The following ADGRV1 variants were observed in gnomAD, a reference collection of about 807,000 sequenced individuals.
ADGRV1 encodes the protein adhesion G protein-coupled receptor V1.
A neutral mutation model predicts 596.2 loss-of-function variants in ADGRV1; 359 were observed. That is an observed-to-expected ratio of 0.60 (90% CI 0.55 to 0.66). ADGRV1 has a LOEUF of 0.66. ADGRV1 is among the 30% of genes least tolerant of loss of function. ADGRV1 has a pLI of 0.00. For synonymous variants in ADGRV1, 2,681 were observed against 2,679.2 expected, an observed-to-expected ratio of 1.00 and a Z score of -0.02; for missense variants, 7,274 against 7,575.6, an observed-to-expected ratio of 0.96 and a Z score of 1.48.
At chr5:91,080,489 T>C (rs541883160) in intron 86 of ADGRV1, among the ~76,000 whole-genome samples, 54 of 151,598 alleles carry the variant, frequency 3.6e-4, no homozygotes, top group African/African-American at 1.3e-3. Flanking sequence ...TCAAAACTCT[T>C]CTTGGTAATA....
chr5:90,721,397 G>A (rs1177368308), intron 45 of ADGRV1, among the ~76,000 whole-genome samples: 2 of 151,710 alleles, frequency 1.3e-5, no homozygotes, highest in Non-Finnish European at 2.9e-5. Flanking sequence ...CCAGCTACTC[G>A]GGAGGCTAAG....
intron 84 of ADGRV1, among the ~76,000 whole-genome samples, chr5:90,970,256 C>G (rs1300576375): frequency 6.6e-6 from 1 of 152,164 alleles, no homozygotes; most frequent in Non-Finnish European, 1.5e-5. Context: ...CCCACTGCAG[C>G]TCAAGGAGGC....
At chr5:91,067,483 C>G (rs1787987816) in intron 85 of ADGRV1, among the ~76,000 whole-genome samples, 1 of 152,260 alleles carries the variant, frequency 6.6e-6, no homozygotes, top group South Asian at 2.1e-4. Flanking sequence ...TAGAGAGTTC[C>G]CTTCTCTTCC....
chr5:90,821,086 C>A (rs536805549), intron 75 of ADGRV1, among the ~76,000 whole-genome samples: 12 of 152,062 alleles, frequency 7.9e-5, no homozygotes, highest in Non-Finnish European at 1.8e-4. Context: ...TTCACATAGT[C>A]GCATATTTCT....
chr5:90,732,178 G>T (rs2149833094), intron 50 of ADGRV1, among the ~76,000 whole-genome samples: 1 of 151,968 alleles, frequency 6.6e-6, no homozygotes, highest in East Asian at 1.9e-4. Flanking sequence ...TTAAAAAAAA[G>T]TTTTTTTTAA....
chr5:91,108,309 C>T (rs1246849475), intron 87 of ADGRV1, among the ~76,000 whole-genome samples: 2 of 152,084 alleles, frequency 1.3e-5, no homozygotes, highest in African/African-American at 4.8e-5. Flanking sequence ...TGTTTTTTTA[C>T]CCCCCGAATG....
intron 60 of ADGRV1, among the ~76,000 whole-genome samples, chr5:90,776,169 A>C (rs1040886948): frequency 6.6e-6 from 1 of 152,172 alleles, no homozygotes; most frequent in African/African-American, 2.4e-5. Context: ...CCAATGGTAG[A>C]GGAGCCCTTG....
rs746779681 is a variant in ADGRV1 at position 90,694,169 on chromosome 5, C to A, written c.7413C>A (p.Ser2471Arg). Reference sequence around the variant, plus strand: ...GTTTCTGGATGACATCATGGATCAGCCCAGCTGTCAACAATTCAGACTTCT... The same window carrying A: ...GTTTCTGGATGACATCATGGATCAGACCAGCTGTCAACAATTCAGACTTCT... ...PQCFWMTSWI[S>R]PAVNNSDFWT... Residue 2471 changes from serine (S) to arginine (R), a missense_variant, in exon 33 of 90, where the codon AGC becomes AGA. Ser to Arg is a moderately radical substitution (Grantham distance 110). Around this residue, in one of 5 missense-constraint regions of ADGRV1, gnomAD observed 3,643 missense variants for 3,809.2 expected, o/e 0.96. Coordinates refer to ENST00000405460, the MANE Select transcript of ADGRV1 (RefSeq NM_032119.4). 1 of 1,613,834 alleles carries A rather than the reference C, an allele frequency of 6.2e-7. No homozygotes were observed. The highest frequency in any genetic ancestry group is 8.5e-7 in the Non-Finnish European group (1 of 1,179,844).
intron 83 of ADGRV1, among the ~76,000 whole-genome samples, chr5:90,954,694 G>C (rs1478926026): frequency 6.6e-6 from 1 of 152,020 alleles, no homozygotes; most frequent in Non-Finnish European, 1.5e-5. Flanking sequence ...AAAATGTTGA[G>C]TTTAGTCATG....
chr5:90,774,107 C>T (rs1166523110), intron 59 of ADGRV1, 79 bp from the exon 60 acceptor site: 7 of 631,676 alleles, frequency 1.1e-5, no homozygotes, highest in African/African-American at 3.7e-5. Flanking sequence ...TGGACATAAA[C>T]GTTATTCTGC....
intron 1 of ADGRV1, among the ~76,000 whole-genome samples, chr5:90,575,870 T>C (rs930788418): frequency 6.6e-6 from 1 of 152,108 alleles, no homozygotes; most frequent in African/African-American, 2.4e-5. Context: ...CTGCCTGGAC[T>C]CCAGGAAGCC....
rs1411236949 is a variant in ADGRV1, at chr5:90,729,012, A to G, written c.10426+79A>G. ...TTCATATGGTATATTTTATATGAAA[A>G]TGCTCTTGCAATAATTTTTTACTAA... On this transcript the variant is annotated intron_variant, in intron 49 of 89. Coordinates refer to ENST00000405460, the MANE Select transcript of ADGRV1 (RefSeq NM_032119.4). The G allele has an allele frequency of 8.9e-5, 89 of 996,324 alleles. No individual in the cohort carries two copies. The East Asian group carries it at 2.3e-3, about 26-fold the overall frequency. 61.7% of individuals were successfully genotyped at this position (996,324 alleles called of 1,614,324 possible). A position where few individuals can be genotyped will look rare whatever the true frequency, so the allele number is the denominator to read the frequency against.
chr5:90,884,513 C>A (rs553399176), intron 83 of ADGRV1, among the ~76,000 whole-genome samples: 75 of 152,084 alleles, frequency 4.9e-4, no homozygotes, highest in Non-Finnish European at 1.6e-4. Flanking sequence ...TACATTTTTA[C>A]AGTATTGTTT....
chr5:90,675,934 T>C, intron 24 of ADGRV1, 146 bp from the exon 25 acceptor site: 1 of 549,320 alleles, frequency 1.8e-6, no homozygotes, highest in Non-Finnish European at 3.1e-6. Context: ...GTGTTTTCAA[T>C]GTTGTATTTT....
At chr5:90,803,600 T>TA (rs1331066681) in intron 71 of ADGRV1, among the ~76,000 whole-genome samples, 2 of 152,304 alleles carry the variant, frequency 1.3e-5, no homozygotes, top group East Asian at 3.9e-4. Context: ...TATGGGCAGA[T>TA]ATAGTCTCTG....
At chr5:90,947,714 C>G (rs1038488923) in intron 83 of ADGRV1, among the ~76,000 whole-genome samples, 1 of 152,056 alleles carries the variant, frequency 6.6e-6, no homozygotes, top group African/African-American at 2.4e-5. Flanking sequence ...TACAGGCACT[C>G]TACCTAAAAG....
At chr5:90,796,501 T>G (rs891551379) in intron 70 of ADGRV1, among the ~76,000 whole-genome samples, 1 of 152,088 alleles carries the variant, frequency 6.6e-6, no homozygotes, top group African/African-American at 2.4e-5. Flanking sequence ...GTTTGATTGG[T>G]GTACCTGAAA....
At chr5:90,595,728 A>C (rs1270883825) in intron 1 of ADGRV1, among the ~76,000 whole-genome samples, 3 of 105,690 alleles carry the variant, frequency 2.8e-5, no homozygotes, top group African/African-American at 3.8e-5. Flanking sequence ...ACTTCCCAGT[A>C]GGGGCGGCCG....
intron 77 of ADGRV1, among the ~76,000 whole-genome samples, chr5:90,836,178 T>C (rs978647386): frequency 6.6e-5 from 10 of 152,228 alleles, no homozygotes; most frequent in Non-Finnish European, 1.2e-4. Flanking sequence ...TTTAGAAGTT[T>C]CTTCAAGAAT....
Sources: allele counts gnomAD v4.1 joint callset (sites outside exome capture counted in the v4.1 genomes callset), GRCh38; gene constraint gnomAD v4.1.1; regional missense constraint gnomAD v4.1.1; transcripts MANE v1.5; gene names NCBI Gene and HGNC (gene_info 2026-07-23, HGNC 2026-07-21).